SHOC1: variants seen among roughly 807,000 people sequenced by gnomAD.
SHOC1 encodes protein shortage in chiasmata 1 ortholog.
SHOC1 carries 136 observed loss-of-function variants against 179.2 expected under a neutral mutation model. The observed-to-expected ratio is 0.76, with a 90% CI of 0.66 to 0.87. SHOC1 has a LOEUF of 0.87. Ranked by LOEUF, SHOC1 falls within the 40% of genes least tolerant of loss-of-function variation. The probability of loss-of-function intolerance (pLI) is 0.00; values close to 1 mark genes in which losing one functional copy is unlikely to be tolerated. For synonymous variants in SHOC1, 489 were observed against 586.6 expected (o/e 0.83, Z 2.41); for missense variants, 1,538 against 1,700.8 (o/e 0.90, Z 1.68).
chr9:111,722,506 G>A lies in SHOC1; in HGVS notation c.2034C>T (p.Leu678=), dbSNP rs1833106011. 2.5e-6 allele frequency: 4 copies of A among 1,612,850 alleles called. No individual in the cohort carries two copies. The highest frequency in any genetic ancestry group is 2.2e-5 in the East Asian group (1 of 44,790). ...ILKNLVSLCT[L]PTANWKFATV... is the part of the protein sequence containing the mutation. ...TGGCAAATTTCCAATTAGCAGTAGG[G>A]AGGGTACACAAGGATACAAGGTTTT... Residue 678 remains leucine, a synonymous_variant, in exon 15 of 28, where the codon CTC becomes CTT. Transcript: ENST00000682961.
chr9:111,727,920 T>C lies in SHOC1; in HGVS notation c.1547A>G (p.Asp516Gly), dbSNP rs1268291367. 2 of 1,613,514 alleles carry C rather than the reference T, an allele frequency of 1.2e-6. No homozygotes were observed. The highest frequency in any genetic ancestry group is 2.2e-5 in the East Asian group (1 of 44,772). The change falls in exon 13 of 28, where the codon GAT becomes GGT. Residue 516 changes from aspartate (D) to glycine (G), a missense_variant. Coordinates refer to ENST00000682961, the MANE Select transcript of SHOC1 (RefSeq NM_001378211.1). ...AKEVPDLCFS[D>G]DYFSDKGAAK... Reference sequence around the variant, plus strand: ...TGCTCCTTTATCAGAGAAATAGTCATCAGAAAAACATAGATCTGGTACTTC... The same window carrying C: ...TGCTCCTTTATCAGAGAAATAGTCACCAGAAAAACATAGATCTGGTACTTC...
At chr9:111,695,591 GAAAAT>G (rs947725225) in intron 24 of SHOC1, among the ~76,000 whole-genome samples, 4 of 152,050 alleles carry the variant, frequency 2.6e-5, no homozygotes, top group African/African-American at 9.7e-5. Flanking sequence ...TTTTCGATGT[GAAAAT>G]AAAATATAAA....
intron 8 of SHOC1, among the ~76,000 whole-genome samples, chr9:111,748,794 CCCTTCCTTCCTT>C (rs570258617): frequency 9.0e-6 from 1 of 111,684 alleles, no homozygotes; most frequent in African/African-American, 3.6e-5. Context: ...TCCCCTCCCC[CCCTTCCTTCCTT>C]CCTTCCTTCC....
chr9:111,747,036 A>G (rs1265855584), intron 9 of SHOC1, among the ~76,000 whole-genome samples: 3 of 152,102 alleles, frequency 2.0e-5, no homozygotes, highest in Non-Finnish European at 4.4e-5. Context: ...TTTTATTTCC[A>G]TACTAATTAT....
rs113651876 is a variant in SHOC1, at chr9:111,770,095, T to G, written c.442+5696A>C. Among the ~76,000 whole-genome samples, 31 of 151,476 alleles carry G rather than the reference T, an allele frequency of 2.0e-4. 1 individual carries two copies. Among genetic ancestry groups the G allele is most frequent in the African/African-American group, 7.5e-4 (31 of 41,342 alleles). ...GGTTTGTTCTTTCTTTTCTAGTGCCTTGAGGTGCAACATTAAGTTATTTTA... is the reference window on the plus strand; with the variant it reads ...GGTTTGTTCTTTCTTTTCTAGTGCCGTGAGGTGCAACATTAAGTTATTTTA... On this transcript the variant is annotated intron_variant, in intron 5 of 27. Transcript: ENST00000682961.
In SHOC1 at chr9:111,692,520, T is replaced by C. The variant is rs762065327; in HGVS notation, c.3466-9A>G. On this transcript the variant is annotated splice_polypyrimidine_tract_variant and intron_variant, in intron 26 of 27. Transcript: ENST00000682961. ...GTGATGCTACAAAAATGCTAAAAAATGAATTAATATAATGCAAATGTCAGT... is the reference window on the plus strand; with the variant it reads ...GTGATGCTACAAAAATGCTAAAAAACGAATTAATATAATGCAAATGTCAGT... 33 of 1,529,866 alleles carry C rather than the reference T, an allele frequency of 2.2e-5. 1 individual carries two copies. In the South Asian group the frequency reaches 4.0e-4, roughly 19 times the overall value. 94.8% of individuals were successfully genotyped at this position (1,529,866 alleles called of 1,614,324 possible). A position where few individuals can be genotyped will look rare whatever the true frequency, so the allele number is the denominator to read the frequency against.
intron 15 of SHOC1, among the ~76,000 whole-genome samples, chr9:111,721,488 C>T (rs765645715): frequency 2.0e-5 from 3 of 152,050 alleles, no homozygotes; most frequent in Non-Finnish European, 2.9e-5. Context: ...TACAGGTGCC[C>T]GCCACCACAC....
rs756879432 is a variant in SHOC1 at position 111,705,227 on chromosome 9, T to C, written c.2855+20A>G. ...TATATAATGTACACTTTTGTTAAAA[T>C]TGTGAAATCAATAACTTACTTGGAT... On this transcript the variant is annotated intron_variant, in intron 21 of 27. Coordinates refer to ENST00000682961, the MANE Select transcript of SHOC1 (RefSeq NM_001378211.1). 2 of 1,232,286 alleles carry C rather than the reference T, an allele frequency of 1.6e-6. No homozygotes were observed. Among genetic ancestry groups the C allele is most frequent in the Non-Finnish European group, 2.3e-6 (2 of 865,146 alleles). 76.3% of individuals were successfully genotyped at this position (1,232,286 alleles called of 1,614,324 possible).
chr9:111,751,286 A>C (rs1386496594), intron 8 of SHOC1, among the ~76,000 whole-genome samples: 1 of 152,150 alleles, frequency 6.6e-6, no homozygotes, highest in Non-Finnish European at 1.5e-5. Flanking sequence ...TGATGCCTCC[A>C]GCTTTGTTCT....
chr9:111,772,191 C>T (rs1261760403), intron 5 of SHOC1, among the ~76,000 whole-genome samples: 1 of 152,004 alleles, frequency 6.6e-6, no homozygotes, highest in Non-Finnish European at 1.5e-5. Context: ...TGTTGAGAGC[C>T]TCTAATTAGT....
chr9:111,720,431 A>G (rs1328664953), intron 15 of SHOC1, among the ~76,000 whole-genome samples: 2 of 151,960 alleles, frequency 1.3e-5, no homozygotes. Context: ...GATTATGTGG[A>G]CCTTCTTTGT....
At chr9:111,686,939 C>CTTTTTTTTTTTTTTTTTTTTT (rs10537471) in intron 27 of SHOC1, 69 bp from the exon 28 acceptor site, 4 of 498,932 alleles carry the variant, frequency 8.0e-6, no homozygotes, top group African/African-American at 2.2e-5. Flanking sequence ...TTTTCTTTTC[C>CTTTTTTTTTTTTTTTTTTTTT]TTTTTTTTTT....
chr9:111,713,100 C>A lies in SHOC1; in HGVS notation c.2488G>T (p.Gly830Cys). The change falls in exon 18 of 28, where the codon GGT becomes TGT. Residue 830 changes from glycine to cysteine, a missense_variant and splice_region_variant. Gly to Cys is a radical substitution (Grantham distance 159). Transcript: ENST00000682961. ...FLIKILNKIEGLTLTVLHSNE... is the reference protein window; with the variant it reads ...FLIKILNKIECLTLTVLHSNE... Reference sequence around the variant, plus strand: ...TGAAGCATAATTTAAAACTGCCTACCTTCTATTTTGTTAAGAATTTTAATG... The same window carrying A: ...TGAAGCATAATTTAAAACTGCCTACATTCTATTTTGTTAAGAATTTTAATG... 1 of 1,548,020 alleles carries A rather than the reference C, an allele frequency of 6.5e-7. No homozygotes were observed. The highest frequency in any genetic ancestry group is 1.1e-5 in the South Asian group (1 of 87,772).
intron 10 of SHOC1, among the ~76,000 whole-genome samples, chr9:111,742,391 G>A (rs1229267700): frequency 6.6e-6 from 1 of 152,022 alleles, no homozygotes; most frequent in Non-Finnish European, 1.5e-5. Context: ...GTCCTTCTCT[G>A]GAGATGGCAG....
intron 12 of SHOC1, among the ~76,000 whole-genome samples, chr9:111,729,054 G>A (rs921800795): frequency 5.9e-5 from 9 of 152,086 alleles, no homozygotes; most frequent in African/African-American, 2.2e-4. Context: ...GCCAAAAAAT[G>A]CTAATGATCA....
intron 11 of SHOC1, among the ~76,000 whole-genome samples, chr9:111,741,230 ATTTCT>A (rs1467843852): frequency 6.6e-6 from 1 of 152,040 alleles, no homozygotes; most frequent in Non-Finnish European, 1.5e-5. Context: ...CTTGTATTTC[ATTTCT>A]TTTCTTTTCC....
intron 12 of SHOC1, among the ~76,000 whole-genome samples, chr9:111,730,690 A>G (rs1833524988): frequency 1.3e-5 from 2 of 152,200 alleles, no homozygotes; most frequent in African/African-American, 4.8e-5. Context: ...TAGACTTATC[A>G]TAATTCTTAA....
chr9:111,747,143 C>T (rs530262292), intron 9 of SHOC1, among the ~76,000 whole-genome samples: 2 of 152,064 alleles, frequency 1.3e-5, no homozygotes, highest in East Asian at 1.9e-4. Context: ...ATCTATAGGG[C>T]GGGCTTGAAA....
intron 4 of SHOC1, 41 bp from the exon 5 acceptor site, chr9:111,776,016 T>A: frequency 6.8e-7 from 1 of 1,478,030 alleles, no homozygotes; most frequent in South Asian, 1.2e-5. Context: ...TATGTCCTAT[T>A]TTAAAACACT....
Sources: gnomAD v4.1 joint callset for allele counts (sites outside exome capture counted in the v4.1 genomes callset) on GRCh38, gnomAD v4.1.1 for gene constraint, MANE v1.5 for transcripts, NCBI Gene and HGNC (gene_info 2026-07-23, HGNC 2026-07-21) for gene names.